The following CADM2 variants were observed in gnomAD, a reference collection of about 807,000 sequenced individuals.
CADM2 encodes immunoglobulin superfamily member 4D.
A neutral mutation model predicts 49.8 loss-of-function variants in CADM2; 12 were observed. That is an observed-to-expected ratio of 0.24 (90% confidence interval 0.15 to 0.39). The LOEUF (loss-of-function observed/expected upper bound fraction) is 0.39. Among genes scored for constraint, CADM2 ranks in the 10% least tolerant of loss-of-function variants. The probability of loss-of-function intolerance (pLI) is 1.00; values close to 1 mark genes in which losing one functional copy is unlikely to be tolerated. For synonymous variants in CADM2, 214 were observed against 175.4 expected, an observed-to-expected ratio of 1.22 and a Z score of -1.74; for missense variants, 378 against 492.3, an observed-to-expected ratio of 0.77 and a Z score of 2.20.
At chr3:85,102,907 T>G (rs1362904678) in intron 1 of CADM2, among the ~76,000 whole-genome samples, 1 of 152,138 alleles carries the variant, frequency 6.6e-6, no homozygotes, top group Non-Finnish European at 1.5e-5. Context: ...ATCAAGACTT[T>G]GTTCACAGGC....
At chr3:85,753,783 G>T (rs73845638) in intron 2 of CADM2, among the ~76,000 whole-genome samples, 7,706 of 152,168 alleles carry the variant, frequency 0.051, 549 homozygotes, top group African/African-American at 0.16. Context: ...ACTCGTATGC[G>T]TCTGCAGCAA....
At chr3:85,918,650 G>C (rs1281944426) in intron 6 of CADM2, among the ~76,000 whole-genome samples, 4 of 151,868 alleles carry the variant, frequency 2.6e-5, no homozygotes, top group Admixed American at 6.6e-5. Context: ...CAGAAAGAGA[G>C]TTCTTTTAAA....
rs184395377 is a variant in CADM2 at position 85,470,632 on chromosome 3, C to A, written c.62-255890C>A. ...TAAAATTCTAGCAATTAATTATATA[C>A]AATAAAAACATTCTCCCAAGTTATT... On this transcript the variant is annotated intron_variant, in intron 1 of 9. Coordinates refer to ENST00000383699, the MANE Select transcript of CADM2 (RefSeq NM_001167675.2). Among the ~76,000 whole-genome samples the A allele has an allele frequency of 2.7e-3, 412 of 152,124 alleles. 1 individual carries two copies. The Middle Eastern group carries it at 0.037, about 14-fold the overall frequency.
chr3:85,828,206 A>G (rs1487994573), intron 3 of CADM2, among the ~76,000 whole-genome samples: 1 of 151,992 alleles, frequency 6.6e-6, no homozygotes. Flanking sequence ...TTAAAGGGCA[A>G]TTTAGAAACT....
chr3:85,039,444 C>T (rs191887668), intron 1 of CADM2, among the ~76,000 whole-genome samples: 10 of 152,004 alleles, frequency 6.6e-5, no homozygotes, highest in South Asian at 2.1e-4. Context: ...TACAATTCAC[C>T]CTCCACCTTA....
At chr3:86,017,513 T>C (rs1732436594) in intron 8 of CADM2, among the ~76,000 whole-genome samples, 1 of 152,068 alleles carries the variant, frequency 6.6e-6, no homozygotes, top group African/African-American at 2.4e-5. Flanking sequence ...CGCAGATCGC[T>C]TGAGCCAGGA....
intron 2 of CADM2, among the ~76,000 whole-genome samples, chr3:85,775,642 C>T (rs567450678): frequency 1.3e-5 from 2 of 151,912 alleles, no homozygotes; most frequent in East Asian, 1.9e-4. Flanking sequence ...CCTCCAAATT[C>T]AGCTCTATAA....
chr3:85,601,207 C>A (rs2063396094), intron 1 of CADM2, among the ~76,000 whole-genome samples: 1 of 130,012 alleles, frequency 7.7e-6, no homozygotes, highest in Non-Finnish European at 1.6e-5. Flanking sequence ...TCATTTGCTC[C>A]CAAGTGGAAT....
chr3:84,988,322 C>A (rs1256734929), intron 1 of CADM2, among the ~76,000 whole-genome samples: 2 of 152,228 alleles, frequency 1.3e-5, no homozygotes, highest in Non-Finnish European at 1.5e-5. Context: ...TTTGCAGTAT[C>A]TTCTGTGACT....
chr3:85,344,982 A>T lies in CADM2; in HGVS notation c.62-381540A>T, dbSNP rs138008484. On this transcript the variant is annotated intron_variant, in intron 1 of 9. Coordinates refer to ENST00000383699, the MANE Select transcript of CADM2 (RefSeq NM_001167675.2). The stretch of plus-strand genomic sequence containing the variant: ...CATTTTAGCAATCTAACACTATCTG[A>T]TACATATGGTAGCTCATATATATCA... Among the ~76,000 whole-genome samples the T allele has an allele frequency of 3.0e-4, 45 of 152,234 alleles. No individual in the cohort carries two copies. In the East Asian group the frequency reaches 7.4e-3, roughly 25 times the overall value.
intron 1 of CADM2, among the ~76,000 whole-genome samples, chr3:85,236,860 GGACA>G (rs2042418009): frequency 1.3e-5 from 2 of 151,990 alleles, no homozygotes; most frequent in African/African-American, 2.4e-5. Flanking sequence ...GTAACAGAAA[GGACA>G]GACAATTTCT....
chr3:85,638,961 G>A (rs1208636662), intron 1 of CADM2, among the ~76,000 whole-genome samples: 3 of 152,190 alleles, frequency 2.0e-5, no homozygotes, highest in Non-Finnish European at 2.9e-5. Flanking sequence ...GACGAGTAAA[G>A]CACTTGTTAA....
At chr3:85,501,089 T>G (rs1336968158) in intron 1 of CADM2, among the ~76,000 whole-genome samples, 7 of 152,204 alleles carry the variant, frequency 4.6e-5, no homozygotes, top group Non-Finnish European at 7.3e-5. Flanking sequence ...GTTTTCAGAT[T>G]ACCAACCAAA....
intron 1 of CADM2, among the ~76,000 whole-genome samples, chr3:85,048,040 AT>A (rs2035734245): frequency 6.6e-6 from 1 of 152,118 alleles, no homozygotes; most frequent in African/African-American, 2.4e-5. Context: ...CATGTTCTAT[AT>A]TTTCGGGAAA....
rs369871164 is a variant in CADM2 at position 85,739,712 on chromosome 3, G to A, written c.88+13164G>A. Among the ~76,000 whole-genome samples the A allele has an allele frequency of 4.6e-5, 7 of 152,138 alleles. No homozygotes were observed. In the South Asian group the frequency reaches 1.5e-3, roughly 32 times the overall value. On this transcript the variant is annotated intron_variant, in intron 2 of 9. Coordinates refer to ENST00000383699, the MANE Select transcript of CADM2 (RefSeq NM_001167675.2). ...AAATATCAAAGCATTTATAGTTACA[G>A]GTGAGGAAGCACTGAAAATAGATAA... is the stretch of plus-strand genomic sequence containing the variant.
intron 1 of CADM2, among the ~76,000 whole-genome samples, chr3:85,531,014 A>G (rs945336448): frequency 4.6e-5 from 7 of 152,178 alleles, no homozygotes; most frequent in Admixed American, 3.3e-4. Context: ...CCATCAGAAT[A>G]CTTTGAAAAT....
At chr3:85,287,554 C>T (rs2043664317) in intron 1 of CADM2, among the ~76,000 whole-genome samples, 1 of 152,068 alleles carries the variant, frequency 6.6e-6, no homozygotes, top group Non-Finnish European at 1.5e-5. Flanking sequence ...AAAGATTATT[C>T]TTTCTTGTTT....
intron 3 of CADM2, among the ~76,000 whole-genome samples, chr3:85,870,320 T>C (rs902107692): frequency 2.0e-5 from 3 of 152,054 alleles, no homozygotes; most frequent in Non-Finnish European, 4.4e-5. Context: ...ACTTGTGTCA[T>C]GGAGATTTGT....
At chr3:85,096,824 T>C (rs978005480) in intron 1 of CADM2, among the ~76,000 whole-genome samples, 2 of 152,178 alleles carry the variant, frequency 1.3e-5, no homozygotes, top group African/African-American at 4.8e-5. Flanking sequence ...TAATTAATGT[T>C]TACTTTATAT....
Sources: gnomAD v4.1 joint callset for allele counts (sites outside exome capture counted in the v4.1 genomes callset) on GRCh38, gnomAD v4.1.1 for gene constraint, MANE v1.5 for transcripts, NCBI Gene and HGNC (gene_info 2026-07-23, HGNC 2026-07-21) for gene names.